Variants in NCOA7 observed in about 807,000 individuals in gnomAD.
NCOA7 encodes the protein nuclear receptor coactivator 7, also known as 140 kDa estrogen receptor-associated protein.
Under a neutral mutation model 104.3 loss-of-function variants are expected in NCOA7, and 45 were observed. The ratio of observed to expected loss-of-function variants is 0.43; its 90% CI spans 0.34 to 0.55. The LOEUF (loss-of-function observed/expected upper bound fraction) is 0.55. Ranked by LOEUF, NCOA7 falls within the 20% of genes least tolerant of loss-of-function variation. The pLI is 0.02. For missense variants in NCOA7, 1,041 were observed against 1,119.7 expected (o/e 0.93, Z 1.00); for synonymous variants, 398 against 402.3 (o/e 0.99, Z 0.13).
rs1384058362 is a variant in NCOA7, at chr6:125,928,838, G to A, written c.*67G>A. 2.0e-6 allele frequency: 3 copies of A among 1,533,308 alleles called. No homozygotes were observed. The East Asian group carries it at 6.9e-5, about 35-fold the overall frequency. The allele number at this position is 1,533,308 out of a possible 1,614,324, so 95.0% of individuals were successfully genotyped here. A position where few individuals can be genotyped will look rare whatever the true frequency, so the allele number is the denominator to read the frequency against. On this transcript the variant is annotated 3_prime_UTR_variant, in exon 16 of 16. Transcript: ENST00000392477. The stretch of plus-strand genomic sequence containing the variant: ...TCGATCAGCCCTCCTAAAGCTGGCT[G>A]GAAAAAGAAGCCCCAGCCCAGCCTG...
intron 3 of NCOA7, among the ~76,000 whole-genome samples, chr6:125,860,773 A>G (rs1781978973): frequency 6.6e-6 from 1 of 152,228 alleles, no homozygotes; most frequent in Non-Finnish European, 1.5e-5. Flanking sequence ...AGTGTCGGGA[A>G]GTTCTTCATT....
intron 2 of NCOA7, among the ~76,000 whole-genome samples, chr6:125,826,761 G>A (rs1252959764): frequency 6.6e-6 from 1 of 152,098 alleles, no homozygotes; most frequent in Non-Finnish European, 1.5e-5. Flanking sequence ...TTAACACAAT[G>A]TCACAGACTG....
At chr6:125,869,849 G>A (rs555768328) in intron 3 of NCOA7, among the ~76,000 whole-genome samples, 1 of 152,322 alleles carries the variant, frequency 6.6e-6, no homozygotes, top group African/African-American at 2.4e-5. Flanking sequence ...TCTCCCTCCA[G>A]AAGGAAAGTA....
Position 125,814,279 on chromosome 6 carries a change from G to A in NCOA7, c.-64-1012G>A, listed in dbSNP as rs201693840. Among the ~76,000 whole-genome samples, 8 of 152,192 alleles carry A rather than the reference G, an allele frequency of 5.3e-5. No homozygotes were observed. The East Asian group carries it at 5.8e-4, about 11-fold the overall frequency. ...AAGCGATTCTCGCGCCTCAACCTCC[G>A]GAGTAGCTGGGACTGCAGGCGTGCA... On this transcript the variant is annotated intron_variant, in intron 1 of 15. Coordinates refer to ENST00000392477, the MANE Select transcript of NCOA7 (RefSeq NM_181782.5).
chr6:125,883,713 CTTTTT>C (rs35489978), intron 7 of NCOA7, among the ~76,000 whole-genome samples: 4 of 85,930 alleles, frequency 4.7e-5, no homozygotes, highest in Non-Finnish European at 6.7e-5. Context: ...ACCTACACCT[CTTTTT>C]TTTTTTTTTT....
At chr6:125,808,629 T>A (rs1161525411) in intron 1 of NCOA7, among the ~76,000 whole-genome samples, 1 of 152,228 alleles carries the variant, frequency 6.6e-6, no homozygotes, top group Non-Finnish European at 1.5e-5. Context: ...AAAATTTTCC[T>A]GGGAATCTAT....
At chr6:125,836,682 G>A (rs9491512) in intron 2 of NCOA7, among the ~76,000 whole-genome samples, 5,481 of 152,168 alleles carry the variant, frequency 0.036, 329 homozygotes, top group African/African-American at 0.12. Context: ...GTTCAAGAGA[G>A]TTTTAGAAAC....
At chr6:125,879,335 G>T (rs1280607594) in intron 5 of NCOA7, among the ~76,000 whole-genome samples, 1 of 152,150 alleles carries the variant, frequency 6.6e-6, no homozygotes, top group Non-Finnish European at 1.5e-5. Context: ...GAGAGTACTT[G>T]TACTTCTGAG....
At chr6:125,856,065 T>C (rs2128620882) in intron 3 of NCOA7, among the ~76,000 whole-genome samples, 1 of 152,266 alleles carries the variant, frequency 6.6e-6, no homozygotes, top group South Asian at 2.1e-4. Flanking sequence ...TACTGTTCTA[T>C]CACATGCATA....
chr6:125,849,939 A>C (rs1780974277), intron 2 of NCOA7, among the ~76,000 whole-genome samples: 1 of 152,222 alleles, frequency 6.6e-6, no homozygotes, highest in African/African-American at 2.4e-5. Flanking sequence ...ATTTGAGGTC[A>C]TGAAAAATGC....
intron 2 of NCOA7, among the ~76,000 whole-genome samples, chr6:125,824,045 C>T (rs1778433340): frequency 6.6e-6 from 1 of 151,264 alleles, no homozygotes; most frequent in South Asian, 2.1e-4. Context: ...TAATTGTTAG[C>T]ATATTGGGAG....
intron 2 of NCOA7, among the ~76,000 whole-genome samples, chr6:125,820,350 A>G (rs929924108): frequency 6.6e-6 from 1 of 152,150 alleles, no homozygotes; most frequent in East Asian, 1.9e-4. Context: ...TTTACCTTAC[A>G]TTTCTTCAGT....
Position 125,878,352 on chromosome 6 carries a change from T to C in NCOA7, c.441T>C (p.His147=), listed in dbSNP as rs1310860681. 2 of 1,611,146 alleles carry C rather than the reference T, an allele frequency of 1.2e-6. No homozygotes were observed. The highest frequency in any genetic ancestry group is 1.1e-5 in the South Asian group (1 of 90,600). The change falls in exon 5 of 16, where the codon CAT becomes CAC. Residue 147 remains histidine (H), a synonymous_variant. Coordinates refer to ENST00000392477, the MANE Select transcript of NCOA7 (RefSeq NM_181782.5). ...KLVELNKLFT[H]TIVPGQVLFV... is the part of the protein sequence containing the mutation. ...TGGAACTGAATAAACTTTTCACACA[T>C]ACTATTGTTCCAGGCCAGGTAATTA...
chr6:125,854,407 C>CA (rs1781379475), intron 2 of NCOA7, among the ~76,000 whole-genome samples: 1 of 152,178 alleles, frequency 6.6e-6, no homozygotes, highest in Admixed American at 6.5e-5. Flanking sequence ...ATCAAATAAT[C>CA]AGTCAGCTAT....
At chr6:125,919,707 TA>T (rs1787403945) in intron 11 of NCOA7, among the ~76,000 whole-genome samples, 1 of 152,238 alleles carries the variant, frequency 6.6e-6, no homozygotes, top group Non-Finnish European at 1.5e-5. Context: ...TTCATTCATT[TA>T]AAATGCTTGG....
intron 2 of NCOA7, among the ~76,000 whole-genome samples, chr6:125,844,601 A>G (rs1192067198): frequency 6.6e-6 from 1 of 152,218 alleles, no homozygotes; most frequent in Non-Finnish European, 1.5e-5. Flanking sequence ...TTCAGTGGAA[A>G]TGGAAAACTA....
chr6:125,920,410 G>A (rs1787469721), intron 11 of NCOA7, among the ~76,000 whole-genome samples: 1 of 152,150 alleles, frequency 6.6e-6, no homozygotes, highest in South Asian at 2.1e-4. Context: ...AATGATCTCC[G>A]ATTAGTCCTT....
chr6:125,927,401 G>C (rs1788125998), intron 13 of NCOA7, among the ~76,000 whole-genome samples: 10 of 152,170 alleles, frequency 6.6e-5, no homozygotes, highest in Admixed American at 5.9e-4. Flanking sequence ...GGAACAAATT[G>C]TTGGCCTTTG....
intron 10 of NCOA7, among the ~76,000 whole-genome samples, chr6:125,893,658 G>A (rs776060535): frequency 5.3e-5 from 8 of 152,238 alleles, no homozygotes; most frequent in South Asian, 2.1e-4. Flanking sequence ...CATAGTCTCC[G>A]TTAATCTCCT....
Sources: gnomAD v4.1 joint callset for allele counts (sites outside exome capture counted in the v4.1 genomes callset) on GRCh38, gnomAD v4.1.1 for gene constraint, MANE v1.5 for transcripts, NCBI Gene and HGNC (gene_info 2026-07-23, HGNC 2026-07-21) for gene names.